PCBP3: variants seen among roughly 807,000 people sequenced by gnomAD.
PCBP3 encodes poly(rC) binding protein 3.
Under a neutral mutation model 52.7 loss-of-function variants are expected in PCBP3, and 25 were observed. The ratio of observed to expected loss-of-function variants is 0.47; its 90% confidence interval spans 0.35 to 0.66. PCBP3 has a LOEUF of 0.66. Among genes scored for constraint, PCBP3 ranks in the 30% least tolerant of loss-of-function variants. PCBP3 has a pLI of 0.01. For missense variants in PCBP3, 391 were observed against 490.3 expected (o/e 0.80, Z 1.91); for synonymous variants, 162 against 183.0 (o/e 0.89, Z 0.93).
Position 45,643,748 on chromosome 21 carries a change from C to CA in PCBP3, c.-399_-398insA, listed in dbSNP as rs1456146410. The stretch of plus-strand genomic sequence containing the variant: ...CCGCCTCAGCCGCCTCAGCCGCGGT[C>CA]GCCGCCGCTTCGGCTGACTTAGGCT... On this transcript the variant is annotated 5_prime_UTR_variant, in exon 1 of 18. Transcript: ENST00000681687. The CA allele has an allele frequency of 2.0e-5, 3 of 148,540 alleles. No individual in the cohort carries two copies. Among genetic ancestry groups the CA allele is most frequent in the Non-Finnish European group, 4.5e-5 (3 of 66,670 alleles). 9.2% of individuals were successfully genotyped at this position (148,540 alleles called of 1,614,324 possible).
intron 13 of PCBP3, among the ~76,000 whole-genome samples, chr21:45,924,960 G>T (rs1254774926): frequency 1.9e-5 from 1 of 52,540 alleles, no homozygotes; most frequent in East Asian, 3.6e-4. Context: ...TGCGAACACC[G>T]GGAACAGTCG....
intron 4 of PCBP3, among the ~76,000 whole-genome samples, chr21:45,765,477 A>T (rs2089220159): frequency 6.6e-6 from 1 of 152,254 alleles, no homozygotes; most frequent in African/African-American, 2.4e-5. Context: ...GTCAGCAGCT[A>T]CAGTGAGGAG....
chr21:45,681,833 CAATG>C (rs762059634), intron 2 of PCBP3, among the ~76,000 whole-genome samples: 8 of 151,894 alleles, frequency 5.3e-5, no homozygotes, highest in Admixed American at 2.0e-4. Context: ...ATAAAAAACT[CAATG>C]GATGGATGGA....
At chr21:45,726,788 C>T (rs962534643) in intron 2 of PCBP3, among the ~76,000 whole-genome samples, 1 of 152,150 alleles carries the variant, frequency 6.6e-6, no homozygotes, top group African/African-American at 2.4e-5. Context: ...CTGGCCAGAT[C>T]GTCTTTTCAT....
intron 4 of PCBP3, among the ~76,000 whole-genome samples, chr21:45,758,454 G>T (rs1001369651): frequency 6.6e-6 from 1 of 152,142 alleles, no homozygotes; most frequent in Non-Finnish European, 1.5e-5. Context: ...AGATGGCTTT[G>T]TGTTTATTTA....
chr21:45,862,140 C>G (rs1006276092), intron 5 of PCBP3, among the ~76,000 whole-genome samples: 2 of 146,816 alleles, frequency 1.4e-5, no homozygotes, highest in African/African-American at 5.1e-5. Flanking sequence ...TAATCACCTC[C>G]TGATACCATC....
intron 4 of PCBP3, among the ~76,000 whole-genome samples, chr21:45,792,284 G>T (rs1050852985): frequency 9.9e-5 from 15 of 152,284 alleles, no homozygotes; most frequent in African/African-American, 2.7e-4. Context: ...CAAGAGAACC[G>T]CTGGGGCAGC....
In PCBP3 at chr21:45,734,964, T is replaced by C. The variant is rs2085753078; in HGVS notation, c.-199-428T>C. Among the ~76,000 whole-genome samples, 3 of 152,330 alleles carry C rather than the reference T, an allele frequency of 2.0e-5. No homozygotes were observed. In the South Asian group the frequency reaches 6.2e-4, roughly 32 times the overall value. Reference sequence around the variant, plus strand: ...CTGCACAGGGAGAACCCTTGGCCTGTGGTCCAGGTGAAGGCCCTTCAGGGT... The same window carrying C: ...CTGCACAGGGAGAACCCTTGGCCTGCGGTCCAGGTGAAGGCCCTTCAGGGT... On this transcript the variant is annotated intron_variant, in intron 2 of 17. Transcript: ENST00000681687.
At chr21:45,808,709 A>G (rs905920238) in intron 4 of PCBP3, among the ~76,000 whole-genome samples, 1 of 152,202 alleles carries the variant, frequency 6.6e-6, no homozygotes, top group African/African-American at 2.4e-5. Context: ...AAAGGATTAT[A>G]AGTCATTCTA....
At chr21:45,860,928 C>T (rs1428307324) in intron 5 of PCBP3, among the ~76,000 whole-genome samples, 10 of 152,206 alleles carry the variant, frequency 6.6e-5, no homozygotes, top group East Asian at 1.9e-4. Context: ...GCCTCCACTC[C>T]GAGGCTGCTG....
At chr21:45,858,850 T>C (rs2094405453) in intron 5 of PCBP3, 1 of 152,138 alleles carries the variant, frequency 6.6e-6, no homozygotes, top group Admixed American at 6.5e-5. Flanking sequence ...CGTGCTGTTC[T>C]CGTGATAGTG....
At chr21:45,660,222 ATTCT>A (rs1196573652) in intron 1 of PCBP3, among the ~76,000 whole-genome samples, 2 of 152,020 alleles carry the variant, frequency 1.3e-5, no homozygotes, top group Non-Finnish European at 2.9e-5. Context: ...GTTATAAAAT[ATTCT>A]TTGTCTGTAA....
intron 2 of PCBP3, among the ~76,000 whole-genome samples, chr21:45,687,020 C>T (rs1371295702): frequency 6.6e-6 from 1 of 151,982 alleles, no homozygotes; most frequent in Non-Finnish European, 1.5e-5. Context: ...AGCAATAAAC[C>T]CACAATTTGA....
At chr21:45,720,416 T>A (rs1054427275) in intron 2 of PCBP3, among the ~76,000 whole-genome samples, 3 of 152,236 alleles carry the variant, frequency 2.0e-5, no homozygotes, top group African/African-American at 7.2e-5. Flanking sequence ...TTTTTATGGC[T>A]GCATAGTATT....
intron 4 of PCBP3, among the ~76,000 whole-genome samples, chr21:45,797,745 ATAGAGAGAGTGAATGGATGTGCATGTG>A (rs2092033648): frequency 5.0e-3 from 7 of 1,414 alleles, no homozygotes; most frequent in South Asian, 0.017. Flanking sequence ...GCGTGGATCC[ATAGAGAGAGTGAATGGATGTGCATGTG>A]GATGAATGCA....
At position 45,656,687 on chromosome 21, in the gene PCBP3, CT is replaced by C. The variant is rs1017055752; in HGVS notation, c.-278-12184del. ...AAACAAAAACAAAAATAAATAAATC[CT>C]TTGCCCATTTAAAAACTGGATTGTC... is the stretch of plus-strand genomic sequence containing the variant. On this transcript the variant is annotated intron_variant, in intron 1 of 17. Transcript: ENST00000681687. This position sits in a 1 kb window ranked among gnomAD's most constrained non-coding sequence, Gnocchi z 4.3. 2.8e-4 allele frequency among the ~76,000 whole-genome samples: 42 copies of C among 151,896 alleles called. No individual in the cohort carries two copies. The highest frequency in any genetic ancestry group is 5.3e-4 in the Non-Finnish European group (36 of 67,932).
intron 2 of PCBP3, among the ~76,000 whole-genome samples, chr21:45,684,689 C>T (rs2082049295): frequency 6.6e-6 from 1 of 152,148 alleles, no homozygotes; most frequent in Admixed American, 6.5e-5. Context: ...AGAGGCCAAG[C>T]AGATGCTGGT....
chr21:45,842,163 T>C (rs1490512074), intron 4 of PCBP3, among the ~76,000 whole-genome samples: 1 of 152,232 alleles, frequency 6.6e-6, no homozygotes, highest in Admixed American at 6.5e-5. Context: ...ACTTAGGCCC[T>C]TCAGTATGGC....
rs2091315086 is a variant in PCBP3 at position 45,788,515 on chromosome 21, G to C, written c.-126+33063G>C. ...GTCCCCAACCTCAGTGCTGTCGGCT[G>C]ACCTACCTCAGCCCACGCCCTGCCC... is the stretch of plus-strand genomic sequence containing the variant. On this transcript the variant is annotated intron_variant, in intron 4 of 17. Coordinates refer to ENST00000681687, the MANE Select transcript of PCBP3 (RefSeq NM_001384156.1). The surrounding 1 kb of genome is among the most constrained non-coding windows in gnomAD (Gnocchi z 4.3). 1 of 152,936 alleles carries C rather than the reference G, an allele frequency of 6.5e-6. No homozygotes were observed. Among genetic ancestry groups the C allele is most frequent in the Non-Finnish European group, 1.5e-5 (1 of 68,658 alleles). The allele number at this position is 152,936 out of a possible 1,614,324, so 9.5% of individuals were successfully genotyped here.
Sources: gnomAD v4.1 joint callset for allele counts (sites outside exome capture counted in the v4.1 genomes callset) on GRCh38, gnomAD v4.1.1 for gene constraint, Gnocchi (gnomAD v3.1) non-coding constraint, MANE v1.5 for transcripts, NCBI Gene and HGNC (gene_info 2026-07-23, HGNC 2026-07-21) for gene names.